The following INTS13 variants were observed in gnomAD, a reference collection of about 807,000 sequenced individuals.
INTS13 encodes the protein asunder, spermatogenesis regulator homolog (Drosphila).
Under a neutral mutation model 90.2 loss-of-function variants are expected in INTS13, and 35 were observed. That is an observed-to-expected ratio of 0.39 (90% CI 0.30 to 0.51). The LOEUF (loss-of-function observed/expected upper bound fraction) is 0.51. INTS13 is among the 20% of genes least tolerant of loss of function. INTS13 has a pLI of 0.80. For missense variants in INTS13, 601 were observed against 851.2 expected (o/e 0.71, Z 3.66); for synonymous variants, 309 against 277.1 (o/e 1.11, Z -1.14).
At chr12:26,919,316 T>G (rs963313021) in intron 8 of INTS13, among the ~76,000 whole-genome samples, 1 of 151,998 alleles carries the variant, frequency 6.6e-6, no homozygotes, top group African/African-American at 2.4e-5. Flanking sequence ...AAGATTAGTA[T>G]GCTTTGAGAT....
chr12:26,923,337 T>C (rs1470353191), intron 7 of INTS13, among the ~76,000 whole-genome samples: 1 of 152,192 alleles, frequency 6.6e-6, no homozygotes, highest in African/African-American at 2.4e-5. Context: ...TTATGTTATT[T>C]ACTTCTGCAT....
intron 3 of INTS13, among the ~76,000 whole-genome samples, chr12:26,931,369 G>GGGA (rs1232901634): frequency 2.6e-5 from 4 of 152,028 alleles, no homozygotes; most frequent in African/African-American, 9.7e-5. Flanking sequence ...ACTTGAACCC[G>GGGA]GGAGGCAGAG....
chr12:26,915,646 T>C (rs1012557819), intron 11 of INTS13, among the ~76,000 whole-genome samples: 1 of 152,208 alleles, frequency 6.6e-6, no homozygotes, highest in Admixed American at 6.5e-5. Context: ...CAAAAGTTTA[T>C]GTTATTTCTA....
In INTS13 at chr12:26,914,408, C is replaced by T; in HGVS notation, c.1419G>A (p.Ala473=). The T allele has an allele frequency of 1.2e-6, 2 of 1,611,256 alleles. No individual in the cohort carries two copies. The highest frequency in any genetic ancestry group is 8.5e-7 in the Non-Finnish European group (1 of 1,179,012). Residue 473 remains alanine, a splice_region_variant and synonymous_variant, in exon 12 of 17, where the codon GCG becomes GCA. Coordinates refer to ENST00000261191, the MANE Select transcript of INTS13 (RefSeq NM_018164.3). ...AAAGTTGAAGCTACTTAACACTTAC[C>T]GCTTGCATGTTAAAAATGGTGGTTT... ...ISQTTIFNMQ[A]VVPLASVIVK... is the part of the protein sequence containing the mutation.
chr12:26,920,431 G>A (rs1343545946), intron 8 of INTS13, among the ~76,000 whole-genome samples: 2 of 148,960 alleles, frequency 1.3e-5, no homozygotes, highest in East Asian at 2.0e-4. Context: ...ACAGAGTCTC[G>A]CTCTGTCGCC....
At chr12:26,920,313 CAT>C (rs1206240025) in intron 8 of INTS13, among the ~76,000 whole-genome samples, 2 of 152,116 alleles carry the variant, frequency 1.3e-5, no homozygotes, top group Non-Finnish European at 2.9e-5. Flanking sequence ...ACTTTTGACA[CAT>C]AGTGTCCACA....
At position 26,913,843 on chromosome 12, in the gene INTS13, G is replaced by A. The variant is rs1297142535; in HGVS notation, c.1574+131C>T. ...ACAATATATCCATTTCTATGATTTT[G>A]TATTATTTCATCTCAAATATATATA... On this transcript the variant is annotated intron_variant, in intron 13 of 16. Transcript: ENST00000261191. 7.9e-6 allele frequency: 9 copies of A among 1,132,736 alleles called. No individual in the cohort carries two copies. The East Asian group carries it at 2.3e-4, about 29-fold the overall frequency. The allele number at this position is 1,132,736 out of a possible 1,614,324, so 70.2% of individuals were successfully genotyped here.
intron 14 of INTS13, 131 bp downstream of exon 14, chr12:26,913,326 C>T: frequency 1.5e-6 from 1 of 669,970 alleles, no homozygotes; most frequent in African/African-American, 1.8e-5. Flanking sequence ...GATAAAATTA[C>T]AGTAATGAAA....
chr12:26,907,809 T>G (rs984485116), intron 15 of INTS13, among the ~76,000 whole-genome samples: 11 of 151,964 alleles, frequency 7.2e-5, no homozygotes, highest in African/African-American at 2.4e-4. Flanking sequence ...AGACAACAAA[T>G]AAGCAAAGGA....
At chr12:26,914,276 TCTTTAA>T (rs1475535999) in intron 12 of INTS13, 126 bp downstream of exon 12, 5 of 1,194,592 alleles carry the variant, frequency 4.2e-6, no homozygotes, top group Admixed American at 3.1e-5. Context: ...AATTATTAAT[TCTTTAA>T]CTTTAGCAAG....
At chr12:26,908,836 T>C (rs780651822) in intron 15 of INTS13, among the ~76,000 whole-genome samples, 1 of 152,204 alleles carries the variant, frequency 6.6e-6, no homozygotes, top group Non-Finnish European at 1.5e-5. Context: ...AAGGCAGTAA[T>C]ATGCAATCAA....
rs1387600650 is a variant in INTS13 at position 26,928,783 on chromosome 12, A to G, written c.423T>C (p.His141=). 5.6e-6 allele frequency: 9 copies of G among 1,614,034 alleles called. No individual in the cohort carries two copies. In the Admixed American group the frequency reaches 8.3e-5, roughly 15 times the overall value. Reference sequence around the variant, plus strand: ...TCTCCATGAGTAGAGTACGAGCCTCATGTTGGTATTCAGTAATTTTGCAGA... The same window carrying G: ...TCTCCATGAGTAGAGTACGAGCCTCGTGTTGGTATTCAGTAATTTTGCAGA... The part of the protein sequence containing the change: ...ETLCKITEYQ[H]EARTLLMENA... The change falls in exon 4 of 17, where the codon CAT becomes CAC. Residue 141 remains histidine, a synonymous_variant. Coordinates refer to ENST00000261191, the MANE Select transcript of INTS13 (RefSeq NM_018164.3).
At chr12:26,908,644 G>T (rs1277582579) in intron 15 of INTS13, among the ~76,000 whole-genome samples, 1 of 151,400 alleles carries the variant, frequency 6.6e-6, no homozygotes, top group African/African-American at 2.4e-5. Context: ...GTATACAGCA[G>T]GCACAAAATT....
At chr12:26,912,203 A>C (rs2137422990) in intron 14 of INTS13, among the ~76,000 whole-genome samples, 1 of 152,330 alleles carries the variant, frequency 6.6e-6, no homozygotes, top group South Asian at 2.1e-4. Flanking sequence ...TGGGAGACCA[A>C]GATGGGCAGA....
At chr12:26,927,985 T>A (rs1348784239) in intron 5 of INTS13, among the ~76,000 whole-genome samples, 2 of 152,222 alleles carry the variant, frequency 1.3e-5, no homozygotes, top group East Asian at 3.8e-4. Context: ...TAAATTTATG[T>A]ATTATTTTAT....
At position 26,932,087 on chromosome 12, in the gene INTS13, CA is replaced by C. The variant is rs34658630; in HGVS notation, c.300+2468del. Reference sequence around the variant, plus strand: ...GGGCAACAAGAGTGAAACTCAGTCTCAAAAAAAAAAAAAAAAAACACTCATA... The same window carrying C: ...GGGCAACAAGAGTGAAACTCAGTCTCAAAAAAAAAAAAAAAAACACTCATA... On this transcript the variant is annotated intron_variant, in intron 3 of 16. Transcript: ENST00000261191. Among the ~76,000 whole-genome samples the C allele has an allele frequency of 2.1e-3, 166 of 78,904 alleles. 2 individuals carry two copies. Among genetic ancestry groups the C allele is most frequent in the South Asian group, 8.5e-3 (19 of 2,232 alleles). The allele number at this position is 78,904 out of a possible 152,430, so 51.8% of individuals were successfully genotyped here.
chr12:26,920,136 A>C (rs1279801890), intron 8 of INTS13, among the ~76,000 whole-genome samples: 1 of 151,248 alleles, frequency 6.6e-6, no homozygotes, highest in African/African-American at 2.4e-5. Context: ...TCAAAAAAAA[A>C]AAAAGATCTG....
rs750693368 is a variant in INTS13, at chr12:26,914,591, A to C, written c.1249-13T>G. 1 of 1,580,246 alleles carries C rather than the reference A, an allele frequency of 6.3e-7. No homozygotes were observed. Among genetic ancestry groups the C allele is most frequent in the South Asian group, 1.1e-5 (1 of 88,880 alleles). ...ATTCACCAAAATCCTAATGATAACCAAATAAGATAAAATTAGAAACTATGT... is the reference window on the plus strand; with the variant it reads ...ATTCACCAAAATCCTAATGATAACCCAATAAGATAAAATTAGAAACTATGT... On this transcript the variant is annotated splice_polypyrimidine_tract_variant and intron_variant, in intron 11 of 16. Coordinates refer to ENST00000261191, the MANE Select transcript of INTS13 (RefSeq NM_018164.3).
chr12:26,922,941 A>C (rs928703013), intron 7 of INTS13, among the ~76,000 whole-genome samples: 1 of 152,168 alleles, frequency 6.6e-6, no homozygotes, highest in Non-Finnish European at 1.5e-5. Flanking sequence ...ATTATGTCAG[A>C]ATTAACAAAG....
Sources: gnomAD v4.1 joint callset for allele counts (sites outside exome capture counted in the v4.1 genomes callset) on GRCh38, gnomAD v4.1.1 for gene constraint, MANE v1.5 for transcripts, NCBI Gene and HGNC (gene_info 2026-07-23, HGNC 2026-07-21) for gene names.